The following CNTN5 variants were observed in gnomAD, a reference collection of about 807,000 sequenced individuals.
CNTN5 encodes contactin 5, also known as contactin-5.
Under a neutral mutation model 129.1 loss-of-function variants are expected in CNTN5, and 77 were observed. The ratio of observed to expected loss-of-function variants is 0.60; its 90% CI spans 0.50 to 0.72. The LOEUF is 0.72. CNTN5 is among the 30% of genes least tolerant of loss of function. The probability of loss-of-function intolerance (pLI) is 0.00; values close to 1 mark genes in which losing one functional copy is unlikely to be tolerated. For synonymous variants in CNTN5, 509 were observed against 465.6 expected (o/e 1.09, Z -1.20); for missense variants, 1,478 against 1,328.8 (o/e 1.11, Z -1.75).
chr11:100,038,524 G>C (rs1467307759), intron 9 of CNTN5, among the ~76,000 whole-genome samples: 4 of 152,182 alleles, frequency 2.6e-5, no homozygotes, highest in Non-Finnish European at 5.9e-5. Context: ...GGGTATCCTT[G>C]TTAACTTTCT....
intron 1 of CNTN5, among the ~76,000 whole-genome samples, chr11:99,141,962 C>T (rs1859535921): frequency 6.6e-6 from 1 of 152,130 alleles, no homozygotes; most frequent in Non-Finnish European, 1.5e-5. Context: ...TATATTCTTT[C>T]GTTGTTTGGT....
intron 2 of CNTN5, among the ~76,000 whole-genome samples, chr11:99,339,342 T>A (rs1866402377): frequency 1.3e-5 from 2 of 152,138 alleles, no homozygotes; most frequent in African/African-American, 4.8e-5. Context: ...TAGAGAATGT[T>A]ATGGTTGGGT....
rs530705029 is a variant in CNTN5 at position 99,798,195 on chromosome 11, T to A, written c.56-21349T>A. Among the ~76,000 whole-genome samples the A allele has an allele frequency of 1.6e-3, 246 of 152,266 alleles. 2 individuals carry two copies. The highest frequency in any genetic ancestry group is 8.7e-4 in the Non-Finnish European group (59 of 68,016). On this transcript the variant is annotated intron_variant, in intron 3 of 24. Coordinates refer to ENST00000524871, the MANE Select transcript of CNTN5 (RefSeq NM_014361.4). ...TCATCATTTGGATCCCACTTACAAG[T>A]TAGAAGATGCGGCATTTGGTTTTCT...
At chr11:99,035,869 T>C (rs1229153931) in intron 1 of CNTN5, among the ~76,000 whole-genome samples, 3 of 151,876 alleles carry the variant, frequency 2.0e-5, no homozygotes, top group Non-Finnish European at 2.9e-5. Context: ...CTAGTCTCGA[T>C]GGTCTTTACA....
chr11:99,625,845 A>G (rs1951107633), intron 3 of CNTN5, among the ~76,000 whole-genome samples: 1 of 151,898 alleles, frequency 6.6e-6, no homozygotes, highest in Non-Finnish European at 1.5e-5. Flanking sequence ...AAGTAGAAAG[A>G]TGAGTGAAAT....
chr11:100,050,384 C>T (rs1942890606), intron 9 of CNTN5, among the ~76,000 whole-genome samples: 1 of 151,680 alleles, frequency 6.6e-6, no homozygotes, highest in South Asian at 2.1e-4. Context: ...AACAAAAAAC[C>T]AAACACCGCA....
intron 3 of CNTN5, among the ~76,000 whole-genome samples, chr11:99,734,169 C>G (rs932324575): frequency 6.6e-6 from 1 of 152,152 alleles, no homozygotes; most frequent in Non-Finnish European, 1.5e-5. Context: ...TGGGCATACA[C>G]TGCGTAATAA....
chr11:99,684,832 ATCTTC>A (rs1470219492), intron 3 of CNTN5, among the ~76,000 whole-genome samples: 6 of 151,598 alleles, frequency 4.0e-5, no homozygotes, highest in Non-Finnish European at 5.9e-5. Context: ...ATGAATTTAT[ATCTTC>A]TCTTTCTCTT....
intron 21 of CNTN5, among the ~76,000 whole-genome samples, chr11:100,317,514 C>T (rs1951594137): frequency 6.6e-6 from 1 of 152,086 alleles, no homozygotes; most frequent in Non-Finnish European, 1.5e-5. Flanking sequence ...CAATTTTATC[C>T]TTTCTTTTCT....
At chr11:100,098,694 T>C (rs187371489) in intron 13 of CNTN5, among the ~76,000 whole-genome samples, 174 of 152,164 alleles carry the variant, frequency 1.1e-3, no homozygotes, top group Admixed American at 3.3e-3. Flanking sequence ...CCCAGTAGCA[T>C]TTTGGGCCAG....
At chr11:99,959,151 T>C (rs886505978) in intron 8 of CNTN5, among the ~76,000 whole-genome samples, 2 of 152,174 alleles carry the variant, frequency 1.3e-5, no homozygotes, top group Non-Finnish European at 2.9e-5. Flanking sequence ...AATTATACTC[T>C]TACCCTGTGA....
At chr11:99,859,280 C>T (rs959337842) in intron 6 of CNTN5, among the ~76,000 whole-genome samples, 1 of 152,206 alleles carries the variant, frequency 6.6e-6, no homozygotes. Context: ...GATTACTGAA[C>T]TTAACGTATG....
chr11:99,030,778 C>T (rs900232950), intron 1 of CNTN5, among the ~76,000 whole-genome samples: 1 of 118,912 alleles, frequency 8.4e-6, no homozygotes, highest in Non-Finnish European at 1.7e-5. Flanking sequence ...AATGCTAACT[C>T]TCTTTTTTTT....
chr11:99,683,393 G>A (rs752072661), intron 3 of CNTN5, among the ~76,000 whole-genome samples: 1 of 151,806 alleles, frequency 6.6e-6, no homozygotes, highest in East Asian at 1.9e-4. Flanking sequence ...TGAAAAGATT[G>A]TCTTTTCCTC....
chr11:99,121,581 A>T (rs1858331446), intron 1 of CNTN5, among the ~76,000 whole-genome samples: 1 of 152,154 alleles, frequency 6.6e-6, no homozygotes, highest in Non-Finnish European at 1.5e-5. Context: ...TAAAAAAGAG[A>T]GCTTGTAGAA....
At chr11:99,101,720 G>A (rs1021905838) in intron 1 of CNTN5, among the ~76,000 whole-genome samples, 1 of 152,212 alleles carries the variant, frequency 6.6e-6, no homozygotes, top group Non-Finnish European at 1.5e-5. Flanking sequence ...CACCACTTCT[G>A]TGGCTTTGCA....
rs148477149 is a variant in CNTN5 at position 99,358,800 on chromosome 11, T to C, written c.-71+33316T>C. ...AGTTTACTAATATTACCTGTCAACA[T>C]TGATTATTTGTGTTATTAGAAAATT... On this transcript the variant is annotated intron_variant, in intron 2 of 24. Coordinates refer to ENST00000524871, the MANE Select transcript of CNTN5 (RefSeq NM_014361.4). 3.4e-3 allele frequency among the ~76,000 whole-genome samples: 520 copies of C among 152,274 alleles called. 1 individual carries two copies. The highest frequency in any genetic ancestry group is 0.011 in the African/African-American group (475 of 41,572).
intron 3 of CNTN5, among the ~76,000 whole-genome samples, chr11:99,630,654 A>G (rs1015331683): frequency 6.6e-6 from 1 of 152,100 alleles, no homozygotes; most frequent in African/African-American, 2.4e-5. Flanking sequence ...TATTAATTCT[A>G]CGTGCTGGAG....
At chr11:100,195,756 A>C (rs1397044246) in intron 15 of CNTN5, among the ~76,000 whole-genome samples, 1 of 151,998 alleles carries the variant, frequency 6.6e-6, no homozygotes, top group East Asian at 1.9e-4. Context: ...CCTTTCTCTC[A>C]GTTACTTCAA....
Sources: gnomAD v4.1 joint callset for allele counts (sites outside exome capture counted in the v4.1 genomes callset) on GRCh38, gnomAD v4.1.1 for gene constraint, MANE v1.5 for transcripts, NCBI Gene and HGNC (gene_info 2026-07-23, HGNC 2026-07-21) for gene names.